Variants in MTUS2 observed in about 807,000 individuals in gnomAD.
MTUS2 encodes microtubule-associated tumor suppressor candidate 2.
In MTUS2, 40 loss-of-function variants were observed where a neutral mutation model predicts 114.1. The observed-to-expected ratio is 0.35, with a 90% CI of 0.27 to 0.46. The LOEUF is 0.46. Ranked by LOEUF, MTUS2 falls within the 20% of genes least tolerant of loss-of-function variation. MTUS2 has a pLI of 1.00. For synonymous variants in MTUS2, 688 were observed against 672.0 expected (o/e 1.02, Z -0.37); for missense variants, 1,679 against 1,705.4 (o/e 0.98, Z 0.27).
intron 10 of MTUS2, among the ~76,000 whole-genome samples, chr13:29,483,617 C>A (rs1881370583): frequency 6.6e-6 from 1 of 152,168 alleles, no homozygotes; most frequent in South Asian, 2.1e-4. Context: ...GCTGCAGGAC[C>A]CTGCTGGCTC....
chr13:29,183,398 T>G (rs1894090144), intron 5 of MTUS2, among the ~76,000 whole-genome samples: 1 of 151,956 alleles, frequency 6.6e-6, no homozygotes, highest in Non-Finnish European at 1.5e-5. Flanking sequence ...GGGGGTAGGG[T>G]CAGAAATCAG....
intron 2 of MTUS2, among the ~76,000 whole-genome samples, chr13:29,019,508 A>G (rs998862720): frequency 1.3e-5 from 2 of 152,224 alleles, no homozygotes; most frequent in African/African-American, 4.8e-5. Context: ...TTAAAAGGAT[A>G]GAACGATGCA....
At chr13:28,952,126 C>G (rs140381921) in intron 2 of MTUS2, among the ~76,000 whole-genome samples, 3 of 152,242 alleles carry the variant, frequency 2.0e-5, no homozygotes, top group East Asian at 3.9e-4. Flanking sequence ...AAGAAAATTT[C>G]TTTATTTGAT....
rs773120269 is a variant in MTUS2 at position 29,503,168 on chromosome 13, CCCT to C, written c.4077_4079del (p.Ser1360del). On this transcript the variant is annotated inframe_deletion, in exon 16 of 16. Transcript: ENST00000612955. The stretch of plus-strand genomic sequence containing the variant: ...CGTTTACCGCGGCTCCTCCTCGGGG[CCCT>C]CCTCTCCGGCCAGAGTCAGCACAAC... 8.9e-5 allele frequency: 144 copies of C among 1,614,034 alleles called. No homozygotes were observed. The highest frequency in any genetic ancestry group is 2.5e-6 in the Non-Finnish European group (3 of 1,180,050).
chr13:29,386,956 T>C (rs1036977891), intron 8 of MTUS2, among the ~76,000 whole-genome samples: 4 of 152,174 alleles, frequency 2.6e-5, no homozygotes, highest in Non-Finnish European at 5.9e-5. Flanking sequence ...TGGGTAGATT[T>C]ACCACTCTAA....
chr13:29,046,599 C>A (rs1403105074), intron 4 of MTUS2, among the ~76,000 whole-genome samples: 2 of 152,198 alleles, frequency 1.3e-5, no homozygotes, highest in Non-Finnish European at 2.9e-5. Flanking sequence ...CACTAGAAAC[C>A]CTTCCCCTGC....
At chr13:29,309,994 A>T (rs1241787473) in intron 6 of MTUS2, among the ~76,000 whole-genome samples, 1 of 152,144 alleles carries the variant, frequency 6.6e-6, no homozygotes, top group Non-Finnish European at 1.5e-5. Context: ...CTGTTGTCCT[A>T]TCAAATACTA....
At chr13:29,409,995 G>C (rs892507069) in intron 8 of MTUS2, among the ~76,000 whole-genome samples, 1 of 152,070 alleles carries the variant, frequency 6.6e-6, no homozygotes, top group Non-Finnish European at 1.5e-5. Context: ...AGATTAAAAA[G>C]AAAGTACATG....
At chr13:29,143,518 G>C (rs1274000726) in intron 5 of MTUS2, among the ~76,000 whole-genome samples, 1 of 152,158 alleles carries the variant, frequency 6.6e-6, no homozygotes, top group Non-Finnish European at 1.5e-5. Flanking sequence ...AAAGTACTTT[G>C]ATCATCCAAA....
chr13:28,904,740 G>GT (rs1327761455), intron 2 of MTUS2, among the ~76,000 whole-genome samples: 1 of 151,848 alleles, frequency 6.6e-6, no homozygotes, highest in African/African-American at 2.4e-5. Context: ...AATGCGGGCT[G>GT]TTTTTTGGTT....
chr13:29,210,814 C>T (rs1392313583), intron 5 of MTUS2, among the ~76,000 whole-genome samples: 3 of 151,378 alleles, frequency 2.0e-5, no homozygotes, highest in Admixed American at 6.6e-5. Flanking sequence ...ACGAGCACCT[C>T]CTCCAGTGGA....
chr13:28,836,351 G>A (rs4769644), intron 1 of MTUS2, among the ~76,000 whole-genome samples: 58 of 152,286 alleles, frequency 3.8e-4, no homozygotes, highest in African/African-American at 1.2e-3. Context: ...CATGAAAGTA[G>A]ATGCAAAGCT....
At chr13:29,175,255 C>G (rs1593559447) in intron 5 of MTUS2, among the ~76,000 whole-genome samples, 1 of 152,068 alleles carries the variant, frequency 6.6e-6, no homozygotes, top group Admixed American at 6.6e-5. Flanking sequence ...GAATATGCCT[C>G]TTTTGTAATG....
intron 2 of MTUS2, among the ~76,000 whole-genome samples, chr13:28,937,077 T>G (rs1881940786): frequency 6.6e-6 from 1 of 152,118 alleles, no homozygotes; most frequent in African/African-American, 2.4e-5. Flanking sequence ...GAAATAACAG[T>G]GATGCTCAGA....
chr13:29,102,158 C>T (rs1295178517), intron 5 of MTUS2, among the ~76,000 whole-genome samples: 1 of 152,180 alleles, frequency 6.6e-6, no homozygotes, highest in East Asian at 1.9e-4. Context: ...TAATAAAGAA[C>T]TGTTTGCAAA....
intron 8 of MTUS2, among the ~76,000 whole-genome samples, chr13:29,397,395 A>G (rs954691977): frequency 6.6e-6 from 1 of 151,960 alleles, no homozygotes; most frequent in Admixed American, 6.6e-5. Context: ...ATTTTCTTCT[A>G]CTGTGCCAAG....
intron 2 of MTUS2, among the ~76,000 whole-genome samples, chr13:28,972,286 T>C (rs1246041630): frequency 6.6e-6 from 1 of 152,206 alleles, no homozygotes; most frequent in Non-Finnish European, 1.5e-5. Flanking sequence ...ATGGCTTCTC[T>C]GATAAGTGAC....
At chr13:29,218,045 A>G (rs7998959) in intron 5 of MTUS2, among the ~76,000 whole-genome samples, 79,807 of 151,856 alleles carry the variant, frequency 0.53, 21,349 homozygotes, top group Non-Finnish European at 0.56. Context: ...TGAGTCCAGG[A>G]GGTCATGGCT....
At chr13:29,375,567 ATATAT>A (rs1566163387) in intron 8 of MTUS2, among the ~76,000 whole-genome samples, 1 of 4,536 alleles carries the variant, frequency 2.2e-4, no homozygotes, top group Non-Finnish European at 5.5e-4. Flanking sequence ...ACGTATATAT[ATATAT>A]ACATATATAT....
Sources: allele counts gnomAD v4.1 joint callset (sites outside exome capture counted in the v4.1 genomes callset), GRCh38; gene constraint gnomAD v4.1.1; transcripts MANE v1.5; gene names NCBI Gene and HGNC (gene_info 2026-07-23, HGNC 2026-07-21).